The following PLLP variants were observed in gnomAD, a reference collection of about 807,000 sequenced individuals.
PLLP encodes the protein plasma membrane proteolipid (plasmolipin).
PLLP carries 15 observed loss-of-function variants against 19.7 expected under a neutral mutation model. The observed-to-expected ratio is 0.76, with a 90% CI of 0.51 to 1.17. The LOEUF (loss-of-function observed/expected upper bound fraction) is 1.17, where lower values mean the gene tolerates loss of function less well. Among genes scored for constraint, PLLP ranks in the 50% most tolerant of loss-of-function variants. PLLP has a pLI of 0.00. For synonymous variants in PLLP, 111 were observed against 116.3 expected, an observed-to-expected ratio of 0.95 and a Z score of 0.29; for missense variants, 255 against 258.3, an observed-to-expected ratio of 0.99 and a Z score of 0.09.
At chr16:57,266,863 C>CCT (rs2075458982) in intron 1 of PLLP, among the ~76,000 whole-genome samples, 12 of 97,314 alleles carry the variant, frequency 1.2e-4, no homozygotes, top group Non-Finnish European at 1.9e-4. Flanking sequence ...GGCACAGGGC[C>CCT]TTTTTTTTTT....
chr16:57,265,754 G>A (rs1423480431), intron 1 of PLLP, among the ~76,000 whole-genome samples: 1 of 152,238 alleles, frequency 6.6e-6, no homozygotes, highest in Non-Finnish European at 1.5e-5. Flanking sequence ...GAGGCCGGGT[G>A]CAGTGGCTCA....
At chr16:57,265,125 G>A (rs2075453126) in intron 1 of PLLP, among the ~76,000 whole-genome samples, 1 of 152,218 alleles carries the variant, frequency 6.6e-6, no homozygotes, top group African/African-American at 2.4e-5. Context: ...CACTCTCACC[G>A]CCGCAAGCAG....
intron 1 of PLLP, among the ~76,000 whole-genome samples, chr16:57,275,194 A>G (rs1233700105): frequency 6.6e-6 from 1 of 151,392 alleles, no homozygotes; most frequent in Admixed American, 6.6e-5. Context: ...GCATGCTACA[A>G]TTTTGCACCT....
intron 2 of PLLP, among the ~76,000 whole-genome samples, chr16:57,261,479 G>C (rs577507401): frequency 1.3e-4 from 20 of 152,222 alleles, no homozygotes; most frequent in South Asian, 1.0e-3. Context: ...AATTTTGGGA[G>C]GCCAAAGTGA....
intron 2 of PLLP, among the ~76,000 whole-genome samples, chr16:57,259,028 G>C (rs1373925231): frequency 6.6e-6 from 1 of 152,074 alleles, no homozygotes; most frequent in Non-Finnish European, 1.5e-5. Context: ...CAAACACCTG[G>C]GTCTTTCCCA....
intron 3 of PLLP, among the ~76,000 whole-genome samples, chr16:57,257,603 C>T (rs1269353569): frequency 2.0e-5 from 3 of 152,196 alleles, no homozygotes; most frequent in Non-Finnish European, 2.9e-5. Context: ...GTCCCTTCCT[C>T]TCCCTCACTG....
Position 57,284,409 on chromosome 16 carries a change from C to G in PLLP, c.132G>C (p.Gln44His). The change falls in exon 1 of 4, where the codon CAG (glutamine) becomes CAC (histidine). Residue 44 changes from glutamine to histidine, a missense_variant. Coordinates refer to ENST00000219207, the MANE Select transcript of PLLP (RefSeq NM_015993.3). ...GTGGGCCCGCGCGTGCTCTCACCAG[C>G]TGCAGCAGCATGAGCGCCCCGAGGC... ...RSRLGALMLL[Q>H]LVLGLLVWAL... The G allele has an allele frequency of 7.1e-7, 1 of 1,417,374 alleles. No homozygotes were observed. The allele number at this position is 1,417,374 out of a possible 1,614,324, so 87.8% of individuals were successfully genotyped here. A position where few individuals can be genotyped will look rare whatever the true frequency, so the allele number is the denominator to read the frequency against.
intron 1 of PLLP, among the ~76,000 whole-genome samples, chr16:57,265,394 C>G (rs2146441721): frequency 6.6e-6 from 1 of 152,358 alleles, no homozygotes; most frequent in Admixed American, 6.5e-5. Context: ...TGGGTGCGTC[C>G]AAGATAAACA....
At chr16:57,272,472 G>A (rs1371713145) in intron 1 of PLLP, among the ~76,000 whole-genome samples, 1 of 152,216 alleles carries the variant, frequency 6.6e-6, no homozygotes, top group Non-Finnish European at 1.5e-5. Context: ...AGAACCAGCT[G>A]CTGTTGGAAG....
intron 1 of PLLP, among the ~76,000 whole-genome samples, chr16:57,268,569 C>A (rs1301805055): frequency 6.6e-6 from 1 of 152,216 alleles, no homozygotes; most frequent in Non-Finnish European, 1.5e-5. Flanking sequence ...CAGCTCACTG[C>A]AGCCTCGAAC....
rs1244594809 is a variant in PLLP, at chr16:57,258,601, T to C, written c.310-17A>G. On this transcript the variant is annotated splice_polypyrimidine_tract_variant and intron_variant, in intron 2 of 3. Transcript: ENST00000219207. ...GATCATTAACTGCAGGACATGGGGG[T>C]AGGGAGTGGGGAGAGAAAAGGCTTA... 1.9e-6 allele frequency: 3 copies of C among 1,609,114 alleles called. No individual in the cohort carries two copies. In the East Asian group the frequency reaches 6.7e-5, roughly 36 times the overall value.
chr16:57,272,485 T>C (rs1341119365), intron 1 of PLLP, among the ~76,000 whole-genome samples: 1 of 152,200 alleles, frequency 6.6e-6, no homozygotes. Context: ...GTTGGAAGTA[T>C]ATAGAGCCTC....
At chr16:57,271,855 C>T (rs1461847181) in intron 1 of PLLP, among the ~76,000 whole-genome samples, 1 of 151,948 alleles carries the variant, frequency 6.6e-6, no homozygotes, top group Admixed American at 6.6e-5. Context: ...TGGCAGCACT[C>T]GCAGGTGGGA....
At chr16:57,276,606 A>AAAG (rs1555506080) in intron 1 of PLLP, among the ~76,000 whole-genome samples, 4 of 150,082 alleles carry the variant, frequency 2.7e-5, no homozygotes, top group South Asian at 2.1e-4. Flanking sequence ...AAAAAAAAAA[A>AAAG]AGAGAGAGAG....
chr16:57,262,701 T>G (rs1447275875), intron 1 of PLLP, among the ~76,000 whole-genome samples: 1 of 152,072 alleles, frequency 6.6e-6, no homozygotes. Flanking sequence ...TGCCACTGCA[T>G]GCCAACCTCA....
In PLLP at chr16:57,281,929, C is replaced by A. The variant is rs1461545735; in HGVS notation, c.135+2477G>T. 2.0e-5 allele frequency among the ~76,000 whole-genome samples: 3 copies of A among 152,210 alleles called. No individual in the cohort carries two copies. In the East Asian group the frequency reaches 5.8e-4, roughly 29 times the overall value. On this transcript the variant is annotated intron_variant, in intron 1 of 3. Transcript: ENST00000219207. ...GAGCAAAAGGAGCCCACTTCCCTCACACCCAGTCCCTGAGAGTCAAGAGAC... is the reference window on the plus strand; with the variant it reads ...GAGCAAAAGGAGCCCACTTCCCTCAAACCCAGTCCCTGAGAGTCAAGAGAC...
intron 1 of PLLP, among the ~76,000 whole-genome samples, chr16:57,273,831 A>G (rs1292050492): frequency 2.0e-5 from 3 of 152,094 alleles, no homozygotes; most frequent in African/African-American, 7.2e-5. Flanking sequence ...CCACTCATAG[A>G]TGGTTGGGAA....
chr16:57,264,607 G>A (rs891798626), intron 1 of PLLP, among the ~76,000 whole-genome samples: 1 of 152,210 alleles, frequency 6.6e-6, no homozygotes, highest in African/African-American at 2.4e-5. Flanking sequence ...CATTTGGGGA[G>A]GCCAAGGTGG....
intron 1 of PLLP, among the ~76,000 whole-genome samples, chr16:57,275,446 T>A: frequency 6.6e-6 from 1 of 151,758 alleles, no homozygotes; most frequent in Non-Finnish European, 1.5e-5. Context: ...GTATTATCTG[T>A]CACAATAGAA....
Sources: allele counts gnomAD v4.1 joint callset (sites outside exome capture counted in the v4.1 genomes callset), GRCh38; gene constraint gnomAD v4.1.1; transcripts MANE v1.5; gene names NCBI Gene and HGNC (gene_info 2026-07-23, HGNC 2026-07-21).